The following ADCYAP1R1 variants were observed in gnomAD, a reference collection of about 807,000 sequenced individuals.
ADCYAP1R1 encodes ADCYAP receptor type I.
A neutral mutation model predicts 67.6 loss-of-function variants in ADCYAP1R1; 44 were observed. The ratio of observed to expected loss-of-function variants is 0.65; its 90% CI spans 0.51 to 0.84. ADCYAP1R1 has a LOEUF of 0.84. Among genes scored for constraint, ADCYAP1R1 ranks in the 40% least tolerant of loss-of-function variants. The pLI, the probability that ADCYAP1R1 is intolerant of heterozygous loss-of-function variation, is 0.00. For missense variants in ADCYAP1R1, 477 were observed against 587.9 expected, an observed-to-expected ratio of 0.81 and a Z score of 1.95; for synonymous variants, 222 against 219.6, an observed-to-expected ratio of 1.01 and a Z score of -0.10.
Position 31,092,532 on chromosome 7 carries a change from G to T in ADCYAP1R1, c.955-112G>T, listed in dbSNP as rs1488568139. 5.3e-6 allele frequency: 4 copies of T among 752,494 alleles called. No homozygotes were observed. The East Asian group carries it at 1.0e-4, about 20-fold the overall frequency. The allele number at this position is 752,494 out of a possible 1,614,324, so 46.6% of individuals were successfully genotyped here. On this transcript the variant is annotated intron_variant, in intron 12 of 15. Transcript: ENST00000304166. ...TGGGAATTATCACACCGCCATCTTG[G>T]ATTAGAAGTGTAGATGGGATCTTGA... is the stretch of plus-strand genomic sequence containing the variant.
intron 3 of ADCYAP1R1, among the ~76,000 whole-genome samples, chr7:31,067,004 G>A (rs1488025560): frequency 1.3e-5 from 2 of 152,190 alleles, no homozygotes; most frequent in Non-Finnish European, 2.9e-5. Flanking sequence ...ATCTCCACTG[G>A]AGATGAAGGT....
chr7:31,071,524 C>T (rs1441460322), intron 3 of ADCYAP1R1, among the ~76,000 whole-genome samples: 2 of 152,136 alleles, frequency 1.3e-5, no homozygotes, highest in Non-Finnish European at 2.9e-5. Context: ...AAGGGGAGGA[C>T]GGGAACTTGG....
intron 3 of ADCYAP1R1, among the ~76,000 whole-genome samples, chr7:31,070,638 G>A (rs112935367): frequency 2.9e-4 from 44 of 152,368 alleles, no homozygotes; most frequent in African/African-American, 9.6e-4. Context: ...CCTGAGGAAA[G>A]GGTGGTGTCT....
At chr7:31,091,611 A>G (rs559387965) in intron 12 of ADCYAP1R1, among the ~76,000 whole-genome samples, 2 of 152,286 alleles carry the variant, frequency 1.3e-5, no homozygotes, top group Admixed American at 1.3e-4. Context: ...GAAGGGGTCC[A>G]GTTTCACTCT....
rs370278502 is a variant in ADCYAP1R1 at position 31,062,524 on chromosome 7, G to C, written c.-71-670G>C. 4.6e-5 allele frequency among the ~76,000 whole-genome samples: 7 copies of C among 152,332 alleles called. 1 individual carries two copies. The South Asian group carries it at 1.4e-3, about 32-fold the overall frequency. ...TTAGCTAGAAGGTGGTTTCCCTCTG[G>C]CGTAACAGTCTGGGGCTAGGTGGGC... On this transcript the variant is annotated intron_variant, in intron 1 of 15. Coordinates refer to ENST00000304166, the MANE Select transcript of ADCYAP1R1 (RefSeq NM_001118.5).
At chr7:31,052,799 G>T (rs965853212) in intron 1 of ADCYAP1R1, 121 bp downstream of exon 1, 2 of 152,258 alleles carry the variant, frequency 1.3e-5, no homozygotes, top group African/African-American at 2.4e-5. Context: ...CGCCAGCCGC[G>T]ACCTCCACCG....
chr7:31,074,037 G>C (rs1795099366), intron 3 of ADCYAP1R1, among the ~76,000 whole-genome samples: 1 of 152,134 alleles, frequency 6.6e-6, no homozygotes, highest in African/African-American at 2.4e-5. Context: ...TGCCCTTTAG[G>C]CAGCTGTAGC....
chr7:31,055,328 AGTGTGTGTGTGT>A (rs34731040), intron 1 of ADCYAP1R1, among the ~76,000 whole-genome samples: 4 of 148,314 alleles, frequency 2.7e-5, no homozygotes, highest in East Asian at 2.0e-4. Flanking sequence ...AATGGAGGAA[AGTGTGTGTGTGT>A]GTGTGTGTGT....
intron 4 of ADCYAP1R1, among the ~76,000 whole-genome samples, chr7:31,079,221 G>A (rs944855842): frequency 1.3e-5 from 2 of 152,194 alleles, no homozygotes; most frequent in Non-Finnish European, 2.9e-5. Context: ...TTTCGGCTGG[G>A]ACCTGTGAAC....
At position 31,052,614 on chromosome 7, in the gene ADCYAP1R1, C is replaced by G. The variant is rs1794060482; in HGVS notation, c.-136C>G. 6.6e-6 allele frequency: 1 copy of G among 151,904 alleles called. No individual in the cohort carries two copies. Among genetic ancestry groups the G allele is most frequent in the Admixed American group, 6.6e-5 (1 of 15,256 alleles). 9.4% of individuals were successfully genotyped at this position (151,904 alleles called of 1,614,324 possible). A position where few individuals can be genotyped will look rare whatever the true frequency, so the allele number is the denominator to read the frequency against. ...ATCCCCGCGCCGCGCGGGCCGCGGA[C>G]TTGCAGGCTGCGCGTCCTTTGCGGA... On this transcript the variant is annotated 5_prime_UTR_variant, in exon 1 of 16. Transcript: ENST00000304166.
intron 14 of ADCYAP1R1, 33 bp downstream of exon 14, chr7:31,103,399 C>G (rs764432195): frequency 1.2e-6 from 2 of 1,613,668 alleles, no homozygotes; most frequent in East Asian, 4.5e-5. Flanking sequence ...ACAGAACTCA[C>G]TGGGAGCCAG....
intron 6 of ADCYAP1R1, 125 bp from the exon 7 acceptor site, chr7:31,084,016 C>A (rs1330729007): frequency 4.1e-6 from 3 of 736,560 alleles, no homozygotes; most frequent in African/African-American, 1.7e-5. Context: ...TGAAACCTTT[C>A]CCCATGCTTC....
chr7:31,089,394 G>T (rs1795872741), intron 12 of ADCYAP1R1, among the ~76,000 whole-genome samples: 1 of 146,544 alleles, frequency 6.8e-6, no homozygotes, highest in South Asian at 2.2e-4. Context: ...TCATTGAATT[G>T]GGAAAGTTTT....
At chr7:31,063,054 G>A (rs1000702758) in intron 1 of ADCYAP1R1, 140 bp from the exon 2 acceptor site, 10 of 600,198 alleles carry the variant, frequency 1.7e-5, no homozygotes, top group Admixed American at 1.4e-4. Context: ...AGAGCAAGAC[G>A]GATGCAGGCA....
rs1364360845 is a variant in ADCYAP1R1 at position 31,109,623 on chromosome 7, G to A, written c.*2939G>A. The stretch of plus-strand genomic sequence containing the variant: ...CTCGTTCTATGCAATCCTAAAGGAC[G>A]AAACTCACCCATGGGAGGCCGAATT... On this transcript the variant is annotated 3_prime_UTR_variant, in exon 16 of 16. Transcript: ENST00000304166. 2.6e-5 allele frequency: 4 copies of A among 152,158 alleles called. No homozygotes were observed. The highest frequency in any genetic ancestry group is 6.5e-5 in the Admixed American group (1 of 15,280). The allele number at this position is 152,158 out of a possible 1,614,324, so 9.4% of individuals were successfully genotyped here.
intron 1 of ADCYAP1R1, among the ~76,000 whole-genome samples, chr7:31,061,815 G>A (rs1562627062): frequency 6.6e-6 from 1 of 152,214 alleles, no homozygotes; most frequent in Non-Finnish European, 1.5e-5. Context: ...CCCCTGGGGT[G>A]CAGCAGCTCT....
chr7:31,084,596 T>G, intron 7 of ADCYAP1R1, 141 bp from the exon 8 acceptor site: 1 of 730,514 alleles, frequency 1.4e-6, no homozygotes, highest in Non-Finnish European at 2.5e-6. Context: ...GTGGTGGAGA[T>G]GATATCAGCA....
rs552956438 is a variant in ADCYAP1R1, at chr7:31,086,468, T to G, written c.754T>G (p.Phe252Val). 6.2e-7 allele frequency: 1 copy of G among 1,614,244 alleles called. No homozygotes were observed. The highest frequency in any genetic ancestry group is 1.1e-5 in the South Asian group (1 of 91,074). ...FWLFIEGLYL[F>V]TLLVETFFPE... ...GCTGTTCATCGAGGGCCTGTACCTC[T>G]TCACTCTGCTGGTGGAGACCTTCTT... is the stretch of plus-strand genomic sequence containing the variant. The change falls in exon 10 of 16, where the codon TTC becomes GTC. Residue 252 changes from phenylalanine (F) to valine (V), a missense_variant. Coordinates refer to ENST00000304166, the MANE Select transcript of ADCYAP1R1 (RefSeq NM_001118.5). The surrounding 1 kb of genome is among the most constrained non-coding windows in gnomAD (Gnocchi z 5.0).
chr7:31,087,706 C>A lies in ADCYAP1R1; in HGVS notation c.954+10C>A. On this transcript the variant is annotated intron_variant, in intron 12 of 15. Transcript: ENST00000304166. ...GGTTGGCTCTATCATGGTGAGTGTC[C>A]TTGGGATGAAGAGGAAGGGAAGAGA... The A allele has an allele frequency of 6.2e-7, 1 of 1,611,762 alleles. No individual in the cohort carries two copies. Among genetic ancestry groups the A allele is most frequent in the Non-Finnish European group, 8.5e-7 (1 of 1,178,622 alleles).
Sources: gnomAD v4.1 joint callset for allele counts (sites outside exome capture counted in the v4.1 genomes callset) on GRCh38, gnomAD v4.1.1 for gene constraint, Gnocchi (gnomAD v3.1) non-coding constraint, MANE v1.5 for transcripts, NCBI Gene and HGNC (gene_info 2026-07-23, HGNC 2026-07-21) for gene names.